TTLL5: variants seen among roughly 807,000 people sequenced by gnomAD.
TTLL5 encodes the protein tubulin tyrosine ligase like 5, also known as tubulin polyglutamylase TTLL5.
A neutral mutation model predicts 168.4 loss-of-function variants in TTLL5; 132 were observed. That is an observed-to-expected ratio of 0.78 (90% CI 0.68 to 0.91). The LOEUF (loss-of-function observed/expected upper bound fraction) is 0.91. Among genes scored for constraint, TTLL5 ranks in the 40% least tolerant of loss-of-function variants. The pLI is 0.00. For missense variants in TTLL5, 1,545 were observed against 1,581.5 expected, an observed-to-expected ratio of 0.98 and a Z score of 0.39; for synonymous variants, 546 against 558.6, an observed-to-expected ratio of 0.98 and a Z score of 0.32.
intron 10 of TTLL5, among the ~76,000 whole-genome samples, chr14:75,718,518 G>A (rs577454835): frequency 3.3e-5 from 5 of 152,148 alleles, no homozygotes; most frequent in African/African-American, 1.2e-4. Flanking sequence ...TTTGCTGAGG[G>A]GGGAGGAAAA....
At chr14:75,780,485 A>T (rs1169441485) in intron 24 of TTLL5, among the ~76,000 whole-genome samples, 2 of 152,204 alleles carry the variant, frequency 1.3e-5, no homozygotes, top group Non-Finnish European at 2.9e-5. Flanking sequence ...TAGCAGTGAC[A>T]TTCTGTTACA....
At chr14:75,848,699 A>C (rs561398043) in intron 28 of TTLL5, among the ~76,000 whole-genome samples, 76 of 152,338 alleles carry the variant, frequency 5.0e-4, no homozygotes, top group African/African-American at 1.7e-3. Flanking sequence ...CATGTTCATA[A>C]GGCTGAGGAC....
chr14:75,925,715 G>T (rs1250981966), intron 31 of TTLL5, among the ~76,000 whole-genome samples: 1 of 151,986 alleles, frequency 6.6e-6, no homozygotes, highest in Non-Finnish European at 1.5e-5. Context: ...GGAGGTGGAG[G>T]TTGTAGCAAG....
At chr14:75,695,077 A>T (rs749845009) in intron 6 of TTLL5, among the ~76,000 whole-genome samples, 1 of 152,216 alleles carries the variant, frequency 6.6e-6, no homozygotes, top group Non-Finnish European at 1.5e-5. Context: ...GGTGGAACAG[A>T]GCCATATTTC....
chr14:75,730,082 C>A (rs534813878), intron 12 of TTLL5, among the ~76,000 whole-genome samples: 1 of 152,080 alleles, frequency 6.6e-6, no homozygotes, highest in Non-Finnish European at 1.5e-5. Context: ...ATAATATTAC[C>A]ACTTTATGAA....
At chr14:75,810,916 A>G (rs529461748) in intron 27 of TTLL5, among the ~76,000 whole-genome samples, 9 of 152,050 alleles carry the variant, frequency 5.9e-5, no homozygotes, top group Non-Finnish European at 1.3e-4. Flanking sequence ...TTCAGGGCAC[A>G]GCAAGAGCAA....
intron 29 of TTLL5, among the ~76,000 whole-genome samples, chr14:75,865,144 A>T (rs2030400424): frequency 6.6e-6 from 1 of 152,198 alleles, no homozygotes; most frequent in African/African-American, 2.4e-5. Context: ...TTGTAATCAC[A>T]TCACTTTCTG....
Position 75,943,626 on chromosome 14 carries a change from C to G in TTLL5, c.3824-10798C>G, listed in dbSNP as rs149289504. Among the ~76,000 whole-genome samples the G allele has an allele frequency of 7.2e-5, 11 of 152,234 alleles. No individual in the cohort carries two copies. In the East Asian group the frequency reaches 2.1e-3, roughly 29 times the overall value. On this transcript the variant is annotated intron_variant, in intron 31 of 31. Transcript: ENST00000298832. Reference sequence around the variant, plus strand: ...TTATCTGGAGGAATCCTCCTCCAACCCAAACCTCAAATAATTCCCACAGGT... The same window carrying G: ...TTATCTGGAGGAATCCTCCTCCAACGCAAACCTCAAATAATTCCCACAGGT...
At chr14:75,780,215 T>C (rs1003680641) in intron 24 of TTLL5, among the ~76,000 whole-genome samples, 8 of 152,254 alleles carry the variant, frequency 5.3e-5, no homozygotes, top group Non-Finnish European at 1.0e-4. Flanking sequence ...GTCAAGTTTG[T>C]TACTTTCTCT....
At chr14:75,776,970 G>T (rs1891754065) in intron 23 of TTLL5, 120 bp downstream of exon 23, 1 of 735,744 alleles carries the variant, frequency 1.4e-6, no homozygotes, top group East Asian at 2.8e-5. Flanking sequence ...CTTAAAGCCG[G>T]GCACAGTGGC....
intron 15 of TTLL5, among the ~76,000 whole-genome samples, chr14:75,741,768 C>G (rs978185634): frequency 6.6e-6 from 1 of 152,036 alleles, no homozygotes; most frequent in African/African-American, 2.4e-5. Flanking sequence ...CTACCCGACC[C>G]CAAACATTCA....
At position 75,775,459 on chromosome 14, in the gene TTLL5, T is replaced by C. The variant is rs1566598979; in HGVS notation, c.2137-25T>C. Reference sequence around the variant, plus strand: ...CTTAGCACCATCCCTCCTTTTTTTTTCTCCCACGACTCTTTAATTTATAGG... The same window carrying C: ...CTTAGCACCATCCCTCCTTTTTTTTCCTCCCACGACTCTTTAATTTATAGG... On this transcript the variant is annotated intron_variant, in intron 21 of 31. Coordinates refer to ENST00000298832, the MANE Select transcript of TTLL5 (RefSeq NM_015072.5). The C allele has an allele frequency of 5.6e-6, 9 of 1,610,290 alleles. No homozygotes were observed. In the South Asian group the frequency reaches 8.8e-5, roughly 16 times the overall value.
intron 31 of TTLL5, among the ~76,000 whole-genome samples, chr14:75,917,632 G>T (rs1278287944): frequency 6.6e-6 from 1 of 152,222 alleles, no homozygotes; most frequent in South Asian, 2.1e-4. Context: ...GACCTGGAGA[G>T]GGAGGATAAG....
At chr14:75,773,961 G>GAGAGAGAA (rs1891545674) in intron 21 of TTLL5, among the ~76,000 whole-genome samples, 1 of 43,188 alleles carries the variant, frequency 2.3e-5, no homozygotes, top group East Asian at 6.7e-4. Flanking sequence ...GAGAGAAAGA[G>GAGAGAGAA]AGAGAGAGAG....
intron 26 of TTLL5, among the ~76,000 whole-genome samples, chr14:75,790,303 T>G (rs1892623301): frequency 1.3e-5 from 2 of 152,128 alleles, no homozygotes; most frequent in South Asian, 4.1e-4. Context: ...ATCGTGTAAG[T>G]CAATAAGAAA....
chr14:75,919,197 CAAAAAAAAAAAAAA>C (rs10655974), intron 31 of TTLL5, among the ~76,000 whole-genome samples: 1 of 56,104 alleles, frequency 1.8e-5, no homozygotes, highest in Non-Finnish European at 3.1e-5. Flanking sequence ...AAGACCGTCT[CAAAAAAAAAAAAAA>C]AAAAAAAAAA....
At chr14:75,887,693 C>G (rs575572703) in intron 30 of TTLL5, among the ~76,000 whole-genome samples, 2 of 152,282 alleles carry the variant, frequency 1.3e-5, no homozygotes, top group South Asian at 4.2e-4. Flanking sequence ...TCACTGATTT[C>G]AAAGGTCCCT....
At chr14:75,844,610 C>T (rs916569359) in intron 28 of TTLL5, among the ~76,000 whole-genome samples, 3 of 152,174 alleles carry the variant, frequency 2.0e-5, no homozygotes, top group African/African-American at 7.2e-5. Flanking sequence ...CCTGTCTCAA[C>T]AGGTTGCTAT....
Position 75,669,469 on chromosome 14 carries a change from T to TA in TTLL5, c.129dup (p.Phe44IlefsTer14). On this transcript the variant is annotated frameshift_variant, in exon 3 of 32. Transcript: ENST00000298832. LOFTEE classifies it high-confidence loss of function. Reference sequence around the variant, plus strand: ...GGCTGCAGGAGAATTCCAGTTTTGGTATTCCATGCCGACGCTATTCTTACA... The same window carrying TA: ...GGCTGCAGGAGAATTCCAGTTTTGGTAATTCCATGCCGACGCTATTCTTACA... 1 of 1,614,176 alleles carries TA rather than the reference T, an allele frequency of 6.2e-7. No individual in the cohort carries two copies. Among genetic ancestry groups the TA allele is most frequent in the Non-Finnish European group, 8.5e-7 (1 of 1,180,000 alleles).
Sources: allele counts gnomAD v4.1 joint callset (sites outside exome capture counted in the v4.1 genomes callset), GRCh38; gene constraint gnomAD v4.1.1; transcripts MANE v1.5; gene names NCBI Gene and HGNC (gene_info 2026-07-23, HGNC 2026-07-21).